Variants in TBCK observed in about 807,000 individuals in gnomAD.
TBCK encodes TBC domain-containing protein kinase-like protein.
A neutral mutation model predicts 113.4 loss-of-function variants in TBCK; 99 were observed. The ratio of observed to expected loss-of-function variants is 0.87; its 90% CI spans 0.74 to 1.03. The LOEUF (loss-of-function observed/expected upper bound fraction) is 1.03, where lower values mean the gene tolerates loss of function less well. TBCK is among the 50% of genes least tolerant of loss of function. The pLI is 0.00. For missense variants in TBCK, 1,045 were observed against 1,061.3 expected, an observed-to-expected ratio of 0.98 and a Z score of 0.21; for synonymous variants, 369 against 370.8, an observed-to-expected ratio of 1.00 and a Z score of 0.05.
intron 3 of TBCK, among the ~76,000 whole-genome samples, chr4:106,264,704 C>A (rs1332080570): frequency 6.6e-6 from 1 of 151,898 alleles, no homozygotes; most frequent in African/African-American, 2.4e-5. Context: ...TTAACGGATA[C>A]CATAATTTTA....
intron 23 of TBCK, among the ~76,000 whole-genome samples, chr4:106,123,143 A>G (rs1744668078): frequency 6.6e-6 from 1 of 152,228 alleles, no homozygotes; most frequent in Admixed American, 6.5e-5. Context: ...TCTCAGCCCA[A>G]AATCTCCTTC....
At chr4:106,187,482 T>C (rs1354598322) in intron 22 of TBCK, among the ~76,000 whole-genome samples, 1 of 152,106 alleles carries the variant, frequency 6.6e-6, no homozygotes, top group East Asian at 1.9e-4. Flanking sequence ...AGTGGCACTA[T>C]CTTGGCTCAC....
intron 22 of TBCK, among the ~76,000 whole-genome samples, chr4:106,180,693 C>T (rs1290518917): frequency 6.6e-6 from 1 of 152,094 alleles, no homozygotes; most frequent in Non-Finnish European, 1.5e-5. Flanking sequence ...TCATCCATGT[C>T]CCTGCAAAGG....
At chr4:106,219,298 C>T (rs1757385079) in intron 19 of TBCK, among the ~76,000 whole-genome samples, 1 of 150,742 alleles carries the variant, frequency 6.6e-6, no homozygotes, top group South Asian at 2.1e-4. Context: ...TGCAGCACAC[C>T]AGCATGGCAC....
At chr4:106,295,217 A>G (rs1766166820) in intron 2 of TBCK, 51 bp from the exon 3 acceptor site, 1 of 1,527,816 alleles carries the variant, frequency 6.5e-7, no homozygotes, top group African/African-American at 1.4e-5. Flanking sequence ...ACAACATGTT[A>G]AAAACAAAAT....
chr4:106,055,185 A>G (rs1001196266), intron 25 of TBCK, among the ~76,000 whole-genome samples: 1 of 151,496 alleles, frequency 6.6e-6, no homozygotes, highest in Admixed American at 6.6e-5. Flanking sequence ...CAGATTCTCC[A>G]TATCTTTCTA....
intron 19 of TBCK, among the ~76,000 whole-genome samples, chr4:106,223,633 C>T (rs949331046): frequency 1.3e-5 from 2 of 152,086 alleles, no homozygotes; most frequent in Non-Finnish European, 2.9e-5. Context: ...GGGAAACTTT[C>T]TCCTAATTTC....
chr4:106,062,501 A>C (rs565499157), intron 25 of TBCK, among the ~76,000 whole-genome samples: 67 of 152,078 alleles, frequency 4.4e-4, no homozygotes, highest in African/African-American at 6.5e-4. Context: ...GCCACTGGTC[A>C]TATTACACAA....
intron 23 of TBCK, among the ~76,000 whole-genome samples, chr4:106,150,924 T>C (rs1560724712): frequency 6.6e-6 from 1 of 152,078 alleles, no homozygotes; most frequent in Non-Finnish European, 1.5e-5. Context: ...GAGCTTTGAA[T>C]TAAGCTCTGA....
At chr4:106,170,784 T>C (rs1236571250) in intron 23 of TBCK, among the ~76,000 whole-genome samples, 1 of 152,086 alleles carries the variant, frequency 6.6e-6, no homozygotes, top group African/African-American at 2.4e-5. Flanking sequence ...TTTCTATTTT[T>C]TTAATTCTTT....
At chr4:106,248,368 C>T in intron 8 of TBCK, 62 bp from the exon 9 acceptor site, 1 of 1,171,594 alleles carries the variant, frequency 8.5e-7, no homozygotes, top group Non-Finnish European at 1.2e-6. Context: ...ATACTTTATT[C>T]AAATGTTTGC....
At chr4:106,124,077 G>C (rs1235415384) in intron 23 of TBCK, among the ~76,000 whole-genome samples, 2 of 149,616 alleles carry the variant, frequency 1.3e-5, no homozygotes, top group Non-Finnish European at 3.0e-5. Context: ...CTACAAAATG[G>C]GAGAAAATTT....
In TBCK at chr4:106,171,272, T is replaced by C. The variant is rs62321379; in HGVS notation, c.2060-2A>G. On this transcript the variant is annotated splice_acceptor_variant, in intron 22 of 25. Coordinates refer to ENST00000394708, the MANE Select transcript of TBCK (RefSeq NM_001163435.3). LOFTEE classifies it high-confidence loss of function. ...TCACACAGCGTTCAATGTCAATTTC[T>C]AGATAGAAATGTTTTAAAAAAGCAA... 76 of 1,596,602 alleles carry C rather than the reference T, an allele frequency of 4.8e-5. No homozygotes were observed. The highest frequency in any genetic ancestry group is 6.0e-5 in the Non-Finnish European group (71 of 1,174,210).
At chr4:106,123,873 C>A (rs1243901191) in intron 23 of TBCK, among the ~76,000 whole-genome samples, 1 of 147,538 alleles carries the variant, frequency 6.8e-6, no homozygotes. Flanking sequence ...AAGACTTAAA[C>A]GTTAGACCTA....
At chr4:106,263,658 C>A (rs931652794) in intron 3 of TBCK, among the ~76,000 whole-genome samples, 3 of 151,714 alleles carry the variant, frequency 2.0e-5, no homozygotes, top group Non-Finnish European at 2.9e-5. Flanking sequence ...GTAAATTATA[C>A]CTTAATAATC....
rs1227462543 is a variant in TBCK at position 106,042,028 on chromosome 4, G to C, written c.*4542C>G. On this transcript the variant is annotated 3_prime_UTR_variant, in exon 26 of 26. Transcript: ENST00000394708. ...AATTACATACCCTGTTAAATGTCAA[G>C]TGTCAGTTAAAGTTTGAAACTCTTC... The C allele has an allele frequency of 6.6e-6, 1 of 152,166 alleles. No homozygotes were observed. Among genetic ancestry groups the C allele is most frequent in the Non-Finnish European group, 1.5e-5 (1 of 68,022 alleles). The allele number at this position is 152,166 out of a possible 1,614,324, so 9.4% of individuals were successfully genotyped here. A position where few individuals can be genotyped will look rare whatever the true frequency, so the allele number is the denominator to read the frequency against.
In TBCK at chr4:106,143,515, A is replaced by C. The variant is rs1419707419; in HGVS notation, c.2236-27137T>G. Among the ~76,000 whole-genome samples, 3 of 152,188 alleles carry C rather than the reference A, an allele frequency of 2.0e-5. No individual in the cohort carries two copies. The East Asian group carries it at 5.8e-4, about 29-fold the overall frequency. On this transcript the variant is annotated intron_variant, in intron 23 of 25. Transcript: ENST00000394708. ...AAATATAGTGGCAAATTACCATGTA[A>C]ATTTTCTATTTTCTAAGCTTCAGAC...
intron 22 of TBCK, among the ~76,000 whole-genome samples, chr4:106,193,145 C>T (rs1039302313): frequency 6.6e-6 from 1 of 152,116 alleles, no homozygotes; most frequent in Admixed American, 6.5e-5. Flanking sequence ...GATTTGTCCT[C>T]CCAAGAGGGC....
chr4:106,209,719 C>T (rs1266013251), intron 20 of TBCK, among the ~76,000 whole-genome samples: 1 of 151,946 alleles, frequency 6.6e-6, no homozygotes, highest in Non-Finnish European at 1.5e-5. Context: ...TTTGTGTTCT[C>T]TCTTGTATTT....
Sources: gnomAD v4.1 joint callset for allele counts (sites outside exome capture counted in the v4.1 genomes callset) on GRCh38, gnomAD v4.1.1 for gene constraint, MANE v1.5 for transcripts, NCBI Gene and HGNC (gene_info 2026-07-23, HGNC 2026-07-21) for gene names.